MTMR3: variants seen among roughly 807,000 people sequenced by gnomAD.
The protein encoded by MTMR3 is myotubularin related protein 3.
MTMR3 carries 32 observed loss-of-function variants against 132.4 expected under a neutral mutation model. The observed-to-expected ratio is 0.24, with a 90% confidence interval of 0.18 to 0.32. The LOEUF (loss-of-function observed/expected upper bound fraction) is 0.32, where lower values mean the gene tolerates loss of function less well. MTMR3 is among the 10% of genes least tolerant of loss of function. The pLI, the probability that MTMR3 is intolerant of heterozygous loss-of-function variation, is 1.00. For missense variants in MTMR3, 1,216 were observed against 1,489.6 expected (o/e 0.82, Z 3.02); for synonymous variants, 556 against 550.3 (o/e 1.01, Z -0.14).
chr22:29,939,069 G>A (rs900013353), intron 1 of MTMR3, among the ~76,000 whole-genome samples: 16 of 151,998 alleles, frequency 1.1e-4, no homozygotes, highest in African/African-American at 3.9e-4. Flanking sequence ...TGATATACCC[G>A]CCTCGGCCTC....
At chr22:30,021,706 T>C in intron 17 of MTMR3, 1 of 272,686 alleles carries the variant, frequency 3.7e-6, no homozygotes, top group Non-Finnish European at 6.9e-6. Context: ...AGGGTTGGAT[T>C]GACAGGCCCA....
chr22:29,994,182 A>G lies in MTMR3; in HGVS notation c.460+2512A>G, dbSNP rs191944756. 4,477 of 975,954 alleles carry G rather than the reference A, an allele frequency of 4.6e-3. 12 individuals are homozygous for G. The highest frequency in any genetic ancestry group is 5.3e-3 in the Non-Finnish European group (4,313 of 821,316). The allele number at this position is 975,954 out of a possible 1,614,324, so 60.5% of individuals were successfully genotyped here. A position where few individuals can be genotyped will look rare whatever the true frequency, so the allele number is the denominator to read the frequency against. On this transcript the variant is annotated intron_variant, in intron 7 of 19. Transcript: ENST00000401950. ...TATGCAACTACAAGGTAATGCAATC[A>G]TAACTGTTTGGCTAGAGATTATGAG...
At chr22:29,886,894 T>A (rs1030126746) in intron 1 of MTMR3, among the ~76,000 whole-genome samples, 1 of 152,166 alleles carries the variant, frequency 6.6e-6, no homozygotes, top group Non-Finnish European at 1.5e-5. Context: ...TTTGTGCAAT[T>A]TATATAGCTA....
At chr22:30,021,181 A>G in intron 17 of MTMR3, 1 of 425,052 alleles carries the variant, frequency 2.4e-6, no homozygotes, top group Non-Finnish European at 4.3e-6. Context: ...AAGTCTTCAG[A>G]AGGGCTTGAA....
intron 1 of MTMR3, among the ~76,000 whole-genome samples, chr22:29,891,877 G>C (rs543876748): frequency 7.4e-4 from 113 of 152,190 alleles, no homozygotes; most frequent in African/African-American, 2.7e-3. Context: ...ATGCTAGGCT[G>C]GGCGCGGTGG....
At chr22:29,913,062 T>C (rs985123206) in intron 1 of MTMR3, among the ~76,000 whole-genome samples, 1 of 152,000 alleles carries the variant, frequency 6.6e-6, no homozygotes, top group African/African-American at 2.4e-5. Context: ...CTGGGCAACA[T>C]TGCAAGACCC....
At chr22:29,996,506 G>T (rs1474764816) in intron 7 of MTMR3, 5 of 152,074 alleles carry the variant, frequency 3.3e-5, no homozygotes, top group Non-Finnish European at 7.4e-5. Flanking sequence ...TGAGATAGAG[G>T]TGTTAATGTA....
chr22:30,009,363 T>A, intron 12 of MTMR3: 1 of 487,136 alleles, frequency 2.1e-6, no homozygotes, highest in Non-Finnish European at 3.7e-6. Context: ...TGAAAGGTTT[T>A]AAAATCTGCA....
chr22:29,972,606 T>C (rs1218665441), intron 3 of MTMR3, among the ~76,000 whole-genome samples: 3 of 152,248 alleles, frequency 2.0e-5, no homozygotes, highest in Non-Finnish European at 4.4e-5. Flanking sequence ...AGTCTTGCTC[T>C]GTTGCCCAGG....
intron 6 of MTMR3, chr22:29,990,074 A>G (rs930974833): frequency 3.9e-5 from 6 of 152,238 alleles, no homozygotes; most frequent in Admixed American, 3.9e-4. Flanking sequence ...CTCTACTAAA[A>G]ATACGAAAAT....
At chr22:29,986,741 G>A (rs1173166394) in intron 5 of MTMR3, 3 of 274,818 alleles carry the variant, frequency 1.1e-5, no homozygotes, top group African/African-American at 2.3e-5. Flanking sequence ...TCAGCTTACC[G>A]CAGTCTCTGC....
At chr22:30,007,012 T>G in intron 9 of MTMR3, 102 bp from the exon 10 acceptor site, 1 of 1,227,686 alleles carries the variant, frequency 8.1e-7, no homozygotes, top group Non-Finnish European at 1.1e-6. Flanking sequence ...ACCCAACACT[T>G]ACCTAGAATT....
chr22:29,984,257 C>CTA (rs2066813049), intron 5 of MTMR3: 3 of 152,152 alleles, frequency 2.0e-5, no homozygotes, highest in Admixed American at 2.0e-4. Flanking sequence ...CCCATTCAGG[C>CTA]TATAAAAAGG....
chr22:29,903,390 C>CTTTTTT (rs35625964), intron 1 of MTMR3, among the ~76,000 whole-genome samples: 18 of 119,700 alleles, frequency 1.5e-4, no homozygotes, highest in Non-Finnish European at 2.5e-4. Flanking sequence ...CTTTTTCTTT[C>CTTTTTT]TTTTTTTTTT....
intron 2 of MTMR3, among the ~76,000 whole-genome samples, chr22:29,962,351 A>G (rs1376871390): frequency 2.6e-5 from 4 of 152,090 alleles, no homozygotes; most frequent in African/African-American, 9.7e-5. Flanking sequence ...ACCACAGTCC[A>G]TTTTAGGACC....
chr22:29,970,153 AGTACAGATTG>A (rs2066505081), intron 2 of MTMR3, among the ~76,000 whole-genome samples: 1 of 152,224 alleles, frequency 6.6e-6, no homozygotes, highest in African/African-American at 2.4e-5. Flanking sequence ...TAAAGGTATT[AGTACAGATTG>A]TAAGTTTTTA....
intron 1 of MTMR3, among the ~76,000 whole-genome samples, chr22:29,903,390 C>CTTTT (rs35625964): frequency 1.3e-4 from 15 of 119,690 alleles, no homozygotes; most frequent in South Asian, 2.6e-4. Context: ...CTTTTTCTTT[C>CTTTT]TTTTTTTTTT....
chr22:30,012,130 GA>G (rs991437818), intron 12 of MTMR3: 11 of 430,412 alleles, frequency 2.6e-5, no homozygotes, highest in Admixed American at 4.4e-5. Flanking sequence ...ACAGATTTTG[GA>G]ACAAAAGGTG....
At chr22:29,940,371 TC>T (rs1481756645) in intron 1 of MTMR3, among the ~76,000 whole-genome samples, 1 of 150,950 alleles carries the variant, frequency 6.6e-6, no homozygotes, top group Non-Finnish European at 1.5e-5. Context: ...CCACTGCCTA[TC>T]CCAAACCTGT....
Sources: allele counts gnomAD v4.1 joint callset (sites outside exome capture counted in the v4.1 genomes callset), GRCh38; gene constraint gnomAD v4.1.1; transcripts MANE v1.5; gene names NCBI Gene and HGNC (gene_info 2026-07-23, HGNC 2026-07-21).